The following PIWIL1 variants were observed in gnomAD, a reference collection of about 807,000 sequenced individuals.
PIWIL1 encodes the protein piwi like RNA-mediated gene silencing 1, also known as piwi-like protein 1.
A neutral mutation model predicts 114.4 loss-of-function variants in PIWIL1; 73 were observed. The ratio of observed to expected loss-of-function variants is 0.64; its 90% confidence interval spans 0.53 to 0.78. The LOEUF (loss-of-function observed/expected upper bound fraction) is 0.78, where lower values mean the gene tolerates loss of function less well. Among genes scored for constraint, PIWIL1 ranks in the 30% least tolerant of loss-of-function variants. The probability of loss-of-function intolerance (pLI) is 0.00; values close to 1 mark genes in which losing one functional copy is unlikely to be tolerated. For missense variants in PIWIL1, 723 were observed against 1,063.1 expected, an observed-to-expected ratio of 0.68 and a Z score of 4.45; for synonymous variants, 375 against 369.0, an observed-to-expected ratio of 1.02 and a Z score of -0.19.
Position 130,363,038 on chromosome 12 carries a change from A to T in PIWIL1, c.2089A>T (p.Ile697Phe). Residue 697 changes from isoleucine to phenylalanine, a missense_variant, in exon 18 of 21, where the codon ATC becomes TTC. This residue lies in a region of PIWIL1 where 31 missense variants were observed against 30.2 expected (regional missense o/e 1.03). Transcript: ENST00000245255. ...NSCNEYMPSRIIVYRDGVGDG... is the reference protein window; with the variant it reads ...NSCNEYMPSRFIVYRDGVGDG... ...CTGCAATGAGTACATGCCCAGCCGG[A>T]TCATCGTGTACCGCGATGGCGTAGG... The T allele has an allele frequency of 4.3e-6, 7 of 1,614,234 alleles. No homozygotes were observed. Among genetic ancestry groups the T allele is most frequent in the Non-Finnish European group, 5.9e-6 (7 of 1,180,050 alleles).
At position 130,361,549 on chromosome 12, in the gene PIWIL1, G is replaced by C; in HGVS notation, c.1918G>C (p.Gly640Arg). Residue 640 changes from glycine to arginine, a missense_variant, in exon 16 of 21, where the codon GGG becomes CGG. Coordinates refer to ENST00000245255, the MANE Select transcript of PIWIL1 (RefSeq NM_004764.5). ...GIDCYHDMTAGRRSIAGFVAS... is the reference protein window; with the variant it reads ...GIDCYHDMTARRRSIAGFVAS... ...CGATTGTTACCATGACATGACAGCT[G>C]GGCGGAGGTCAATCGCAGGATTTGT... is the stretch of plus-strand genomic sequence containing the variant. 3 of 1,614,224 alleles carry C rather than the reference G, an allele frequency of 1.9e-6. No individual in the cohort carries two copies. Among genetic ancestry groups the C allele is most frequent in the Non-Finnish European group, 2.5e-6 (3 of 1,180,044 alleles).
chr12:130,423,358 C>T, the PIWIL1 span, among the ~76,000 whole-genome samples: 70 of 152,328 alleles, frequency 4.6e-4, no homozygotes, highest in East Asian at 1.4e-3. Flanking sequence ...GCACGGATCT[C>T]GCACCTCTCC....
At chr12:130,356,853 G>A in intron 12 of PIWIL1, 65 bp from the exon 13 acceptor site, 1 of 1,115,236 alleles carries the variant, frequency 9.0e-7, no homozygotes, top group East Asian at 2.4e-5. Flanking sequence ...AATTATTGAA[G>A]ACTGTTTGGC....
intron 16 of PIWIL1, 56 bp downstream of exon 16, chr12:130,361,657 A>G (rs2136178057): frequency 1.5e-6 from 2 of 1,319,766 alleles, no homozygotes; most frequent in Admixed American, 1.7e-5. Flanking sequence ...AGGGTTCTGG[A>G]GGTTCAGGAG....
chr12:130,400,954 C>G, the PIWIL1 span, among the ~76,000 whole-genome samples: 1 of 152,098 alleles, frequency 6.6e-6, no homozygotes, highest in Admixed American at 6.6e-5. Flanking sequence ...GAAACGAATA[C>G]TCGTGCACTT....
rs2073074063 is a variant in PIWIL1, at chr12:130,346,565, C to T, written c.512C>T (p.Pro171Leu). Residue 171 changes from proline to leucine, a missense_variant, in exon 5 of 21, where the codon CCT (proline) becomes CTT (leucine). By Grantham distance (98) the Pro-to-Leu change is moderately conservative. Around this residue, in one of 8 missense-constraint regions of PIWIL1, gnomAD observed 190 missense variants for 294.4 expected, o/e 0.65. Transcript: ENST00000245255. ...HAFDGTILFLPKRLQQKVTEV... is the reference protein window; with the variant it reads ...HAFDGTILFLLKRLQQKVTEV... The stretch of plus-strand genomic sequence containing the variant: ...TTTGATGGAACGATATTATTTTTAC[C>T]TAAAAGACTACAGCAAAAGGTTATT... The T allele has an allele frequency of 6.2e-7, 1 of 1,613,164 alleles. No homozygotes were observed. Among genetic ancestry groups the T allele is most frequent in the Non-Finnish European group, 8.5e-7 (1 of 1,179,304 alleles).
At chr12:130,364,159 G>T (rs2073591884) in intron 18 of PIWIL1, among the ~76,000 whole-genome samples, 1 of 152,184 alleles carries the variant, frequency 6.6e-6, no homozygotes, top group Non-Finnish European at 1.5e-5. Context: ...GTTGTATTAA[G>T]GGCTAAGTGC....
rs368682178 is a variant in PIWIL1 at position 130,371,167 on chromosome 12, T to C, written c.2322-9T>C. 6.8e-6 allele frequency: 11 copies of C among 1,613,660 alleles called. No individual in the cohort carries two copies. The highest frequency in any genetic ancestry group is 9.3e-6 in the Non-Finnish European group (11 of 1,179,618). On this transcript the variant is annotated splice_polypyrimidine_tract_variant and intron_variant, in intron 19 of 20. Coordinates refer to ENST00000245255, the MANE Select transcript of PIWIL1 (RefSeq NM_004764.5). ...TTTCAGCACATCCGTGTGTTTTCTG[T>C]AATTCCAGGTATGACTTTTTTATCG...
the PIWIL1 span, among the ~76,000 whole-genome samples, chr12:130,389,717 C>T: frequency 6.6e-6 from 1 of 152,240 alleles, no homozygotes; most frequent in East Asian, 1.9e-4. Context: ...TTCACATCAA[C>T]TTCGTATTGT....
chr12:130,358,475 T>A (rs973077827), intron 14 of PIWIL1, among the ~76,000 whole-genome samples: 3 of 152,114 alleles, frequency 2.0e-5, no homozygotes, highest in African/African-American at 7.2e-5. Context: ...CTGAACAGAT[T>A]TAGGTGGTAG....
In PIWIL1 at chr12:130,338,076, G is replaced by A; in HGVS notation, c.-83G>A. Reference sequence around the variant, plus strand: ...TCGGCGGCGCGGAGGGATCTCCGCGGGAGCCGTTGGGGCTGTTGGCCTCGG... The same window carrying A: ...TCGGCGGCGCGGAGGGATCTCCGCGAGAGCCGTTGGGGCTGTTGGCCTCGG... On this transcript the variant is annotated 5_prime_UTR_variant, in exon 1 of 21. Transcript: ENST00000245255. 1 of 198,452 alleles carries A rather than the reference G, an allele frequency of 5.0e-6. No homozygotes were observed. Among genetic ancestry groups the A allele is most frequent in the Non-Finnish European group, 1.0e-5 (1 of 97,692 alleles). 12.3% of individuals were successfully genotyped at this position (198,452 alleles called of 1,614,324 possible). A position where few individuals can be genotyped will look rare whatever the true frequency, so the allele number is the denominator to read the frequency against.
chr12:130,424,482 G>C, the PIWIL1 span: 150 of 1,232,000 alleles, frequency 1.2e-4, no homozygotes, highest in Non-Finnish European at 1.5e-4. This position sits in a 1 kb window ranked among gnomAD's most constrained non-coding sequence, Gnocchi z 9.8. Context: ...GCCAAACCGC[G>C]ACTCGTCCTC....
chr12:130,407,626 G>A, the PIWIL1 span: 1 of 936,978 alleles, frequency 1.1e-6, no homozygotes, highest in Non-Finnish European at 1.8e-6. Context: ...TCGGAGAGAA[G>A]GAATGAGGAG....
intron 2 of PIWIL1, 21 bp from the exon 3 acceptor site, chr12:130,342,969 T>G: frequency 1.9e-6 from 3 of 1,582,080 alleles, no homozygotes; most frequent in South Asian, 1.1e-5. Flanking sequence ...AAGAATGTTC[T>G]TTATTTGCAT....
chr12:130,385,544 A>C, the PIWIL1 span, among the ~76,000 whole-genome samples: 1 of 152,202 alleles, frequency 6.6e-6, no homozygotes, highest in Non-Finnish European at 1.5e-5. Flanking sequence ...ATGCAGTTTA[A>C]CCTGTTTTCC....
chr12:130,365,141 C>T (rs1014297770), intron 18 of PIWIL1, among the ~76,000 whole-genome samples: 4 of 152,254 alleles, frequency 2.6e-5, no homozygotes, highest in Non-Finnish European at 2.9e-5. Context: ...GCTCCATCAG[C>T]GAGTGGGAAC....
intron 7 of PIWIL1, among the ~76,000 whole-genome samples, 193 bp from the exon 8 acceptor site, chr12:130,349,046 A>G (rs2073146224): frequency 6.6e-6 from 1 of 152,254 alleles, no homozygotes; most frequent in African/African-American, 2.4e-5. Flanking sequence ...ATTTAAAATG[A>G]AACTTATACA....
At chr12:130,415,790 T>C in the PIWIL1 span, among the ~76,000 whole-genome samples, 48,684 of 151,834 alleles carry the variant, frequency 0.32, 8,191 homozygotes, top group African/African-American at 0.44. Flanking sequence ...GATATGATTC[T>C]AAACCTAGAA....
the PIWIL1 span, chr12:130,424,670 G>A: frequency 1.6e-6 from 2 of 1,231,882 alleles, no homozygotes; most frequent in Non-Finnish European, 2.0e-6. This position sits in a 1 kb window ranked among gnomAD's most constrained non-coding sequence, Gnocchi z 9.8. Flanking sequence ...TGCCGGGCCT[G>A]GGCTCTCTGG....
Sources: allele counts gnomAD v4.1 joint callset (sites outside exome capture counted in the v4.1 genomes callset), GRCh38; gene constraint gnomAD v4.1.1; regional missense constraint gnomAD v4.1.1; non-coding constraint Gnocchi (gnomAD v3.1); transcripts MANE v1.5; gene names NCBI Gene and HGNC (gene_info 2026-07-23, HGNC 2026-07-21).